Variants in VPS13B observed in about 807,000 individuals in gnomAD.
VPS13B encodes the protein intermembrane lipid transfer protein VPS13B.
Under a neutral mutation model 426.4 loss-of-function variants are expected in VPS13B, and 285 were observed. The ratio of observed to expected loss-of-function variants is 0.67; its 90% CI spans 0.61 to 0.74. VPS13B has a LOEUF of 0.74. VPS13B is among the 30% of genes least tolerant of loss of function. The probability of loss-of-function intolerance (pLI) is 0.00; values close to 1 mark genes in which losing one functional copy is unlikely to be tolerated. For missense variants in VPS13B, 4,537 were observed against 4,782.6 expected, an observed-to-expected ratio of 0.95 and a Z score of 1.51; for synonymous variants, 1,676 against 1,676.4, an observed-to-expected ratio of 1.00 and a Z score of 0.01.
chr8:99,710,983 G>A (rs533083571), intron 36 of VPS13B, among the ~76,000 whole-genome samples: 5 of 152,180 alleles, frequency 3.3e-5, no homozygotes, highest in East Asian at 1.9e-4. Flanking sequence ...CAGCCTGGGC[G>A]ACAGAGTGAG....
At chr8:99,233,281 C>G (rs770890668) in intron 17 of VPS13B, 3 of 1,156,394 alleles carry the variant, frequency 2.6e-6, no homozygotes, top group African/African-American at 3.0e-5. Flanking sequence ...GCCAATCACC[C>G]GGCCAGCTGT....
chr8:99,209,566 A>ATT (rs59727162), intron 17 of VPS13B: 241 of 225,442 alleles, frequency 1.1e-3, no homozygotes, highest in South Asian at 2.2e-3. Context: ...TTTAATAACA[A>ATT]TTTTTTTTTT....
intron 17 of VPS13B, among the ~76,000 whole-genome samples, chr8:99,263,327 T>C (rs1391752592): frequency 6.6e-6 from 1 of 152,210 alleles, no homozygotes; most frequent in Non-Finnish European, 1.5e-5. Context: ...ATGTAGATAT[T>C]ATCTGCATAG....
intron 43 of VPS13B, among the ~76,000 whole-genome samples, chr8:99,786,921 G>A (rs958828132): frequency 3.3e-5 from 5 of 152,096 alleles, no homozygotes; most frequent in African/African-American, 9.7e-5. Flanking sequence ...TCTAATGAGA[G>A]GCTACATGAG....
chr8:99,697,736 G>T, intron 35 of VPS13B: 1 of 626,356 alleles, frequency 1.6e-6, no homozygotes, highest in Non-Finnish European at 3.0e-6. Context: ...CCTGGCCTAG[G>T]GCGCGCCCGT....
chr8:99,171,314 T>C (rs1223953038), intron 16 of VPS13B, among the ~76,000 whole-genome samples: 1 of 151,974 alleles, frequency 6.6e-6, no homozygotes, highest in African/African-American at 2.4e-5. Flanking sequence ...TATTAAGAAA[T>C]AAACTGGGAT....
intron 37 of VPS13B, among the ~76,000 whole-genome samples, chr8:99,719,787 A>G (rs1424255525): frequency 6.6e-6 from 1 of 152,164 alleles, no homozygotes; most frequent in African/African-American, 2.4e-5. Flanking sequence ...ACTGTAGTAT[A>G]ATTGATTTTC....
At chr8:99,737,009 C>T (rs185139205) in intron 39 of VPS13B, among the ~76,000 whole-genome samples, 1 of 149,092 alleles carries the variant, frequency 6.7e-6, no homozygotes, top group East Asian at 2.0e-4. Context: ...GAACCTACAA[C>T]TCTTAACTGC....
intron 33 of VPS13B, among the ~76,000 whole-genome samples, chr8:99,612,677 C>T (rs181285032): frequency 4.2e-4 from 64 of 152,248 alleles, no homozygotes; most frequent in African/African-American, 1.3e-3. Flanking sequence ...GTGTAGTTCT[C>T]ATTTGGAGTG....
At position 99,220,590 on chromosome 8, in the gene VPS13B, A is replaced by C. The variant is rs577696311; in HGVS notation, c.2515+27533A>C. Among the ~76,000 whole-genome samples, 408 of 152,280 alleles carry C rather than the reference A, an allele frequency of 2.7e-3. 3 individuals are homozygous for C. Among genetic ancestry groups the C allele is most frequent in the African/African-American group, 9.5e-3 (395 of 41,568 alleles). The stretch of plus-strand genomic sequence containing the variant: ...ACTTTGGATTAAAGGTAATAAAATT[A>C]GAAACAAAGATTTGATTGGCACAAG... On this transcript the variant is annotated intron_variant, in intron 17 of 61. Coordinates refer to ENST00000357162, the MANE Select transcript of VPS13B (RefSeq NM_152564.5).
intron 17 of VPS13B, among the ~76,000 whole-genome samples, chr8:99,210,838 TC>T (rs898680807): frequency 2.0e-5 from 3 of 152,092 alleles, no homozygotes; most frequent in Admixed American, 6.6e-5. Flanking sequence ...GCTCAAGCAA[TC>T]CACCTGCCTC....
At position 99,784,466 on chromosome 8, in the gene VPS13B, A is replaced by G. The variant is rs760112876; in HGVS notation, c.7931A>G (p.Lys2644Arg). The change falls in exon 43 of 62, where the codon AAA becomes AGA. Residue 2644 changes from lysine (K) to arginine (R), a missense_variant. This residue lies in a region of VPS13B where 4,311 missense variants were observed against 4,474.3 expected (regional missense o/e 0.96). Transcript: ENST00000357162. ...CACCAGTACAGCTGGCGCTCTCACA[A>G]ATCCCCACAGGTATTTGAGAAACAC... ...HSHQYSWRSH[K>R]SPQLLHICIE... is the part of the protein sequence containing the mutation. 6.2e-6 allele frequency: 10 copies of G among 1,613,624 alleles called. No homozygotes were observed. Among genetic ancestry groups the G allele is most frequent in the Admixed American group, 1.7e-5 (1 of 59,980 alleles).
chr8:99,149,241 A>G lies in VPS13B; in HGVS notation c.2013+1231A>G, dbSNP rs146573728. On this transcript the variant is annotated intron_variant, in intron 14 of 61. Coordinates refer to ENST00000357162, the MANE Select transcript of VPS13B (RefSeq NM_152564.5). ...GTGATGTCTGCTGTAATTGTTGAGAATGCTTAATATTTGTTTATGGTCCAT... is the reference window on the plus strand; with the variant it reads ...GTGATGTCTGCTGTAATTGTTGAGAGTGCTTAATATTTGTTTATGGTCCAT... Among the ~76,000 whole-genome samples the G allele has an allele frequency of 4.7e-3, 722 of 152,352 alleles. 4 individuals are homozygous for G. Among genetic ancestry groups the G allele is most frequent in the African/African-American group, 0.016 (675 of 41,574 alleles).
chr8:99,160,072 A>T (rs1811563607), intron 15 of VPS13B, among the ~76,000 whole-genome samples: 1 of 152,166 alleles, frequency 6.6e-6, no homozygotes, highest in Non-Finnish European at 1.5e-5. Context: ...TGTACTGGGA[A>T]ACCAAAAATT....
chr8:99,265,425 A>C (rs1394195725), intron 17 of VPS13B, among the ~76,000 whole-genome samples: 1 of 152,130 alleles, frequency 6.6e-6, no homozygotes, highest in East Asian at 1.9e-4. Flanking sequence ...GAGGTTTCTA[A>C]GCCTGGTACT....
chr8:99,275,809 T>G (rs1376749367), intron 19 of VPS13B, among the ~76,000 whole-genome samples: 1 of 152,146 alleles, frequency 6.6e-6, no homozygotes, highest in Non-Finnish European at 1.5e-5. Flanking sequence ...ATCAGAAGGA[T>G]CAATGAAGAC....
Position 99,156,606 on chromosome 8 carries a change from A to G in VPS13B, c.2071A>G (p.Ile691Val), listed in dbSNP as rs1288178539. 2 of 1,614,064 alleles carry G rather than the reference A, an allele frequency of 1.2e-6. No homozygotes were observed. The highest frequency in any genetic ancestry group is 8.5e-7 in the Non-Finnish European group (1 of 1,179,906). ...CCAGTCTCTTCGGCCTTTGCCATCC[A>G]TTCGAATATTGGTGGATAAAATTAA... ...NFQSLRPLPS[I>V]RILVDKINLE... The change falls in exon 15 of 62, where the codon ATT becomes GTT. Residue 691 changes from isoleucine (I) to valine (V), a missense_variant. Ile to Val is a conservative substitution (Grantham distance 29). Transcript: ENST00000357162.
At chr8:99,577,393 G>A (rs998671663) in intron 32 of VPS13B, 97 bp from the exon 33 acceptor site, 27 of 1,550,692 alleles carry the variant, frequency 1.7e-5, no homozygotes, top group Non-Finnish European at 2.3e-5. Context: ...CCTAGGAAAT[G>A]TCACCAAAGT....
chr8:99,757,329 G>C (rs928012920), intron 39 of VPS13B, among the ~76,000 whole-genome samples: 2 of 152,160 alleles, frequency 1.3e-5, no homozygotes, highest in Admixed American at 6.5e-5. Context: ...AGACCTGATA[G>C]GCTACATCAG....
Sources: gnomAD v4.1 joint callset for allele counts (sites outside exome capture counted in the v4.1 genomes callset) on GRCh38, gnomAD v4.1.1 for gene constraint, gnomAD v4.1.1 regional missense constraint, MANE v1.5 for transcripts, NCBI Gene and HGNC (gene_info 2026-07-23, HGNC 2026-07-21) for gene names.